The following VRK3 variants were observed in gnomAD, a reference collection of about 807,000 sequenced individuals.
VRK3 encodes the protein serine/threonine-protein kinase VRK3.
Under a neutral mutation model 60.4 loss-of-function variants are expected in VRK3, and 50 were observed. That is an observed-to-expected ratio of 0.83 (90% CI 0.66 to 1.05). The LOEUF is 1.05. VRK3 is among the 50% of genes least tolerant of loss of function. The pLI is 0.00. For missense variants in VRK3, 549 were observed against 585.3 expected, an observed-to-expected ratio of 0.94 and a Z score of 0.64; for synonymous variants, 246 against 227.8, an observed-to-expected ratio of 1.08 and a Z score of -0.72.
At chr19:49,989,611 G>T (rs747592532) in intron 11 of VRK3, 28 bp downstream of exon 11, 7 of 1,576,276 alleles carry the variant, frequency 4.4e-6, no homozygotes, top group Non-Finnish European at 5.2e-6. Context: ...ATCTCTCTGC[G>T]GTCCCAAACC....
rs182484664 is a variant in VRK3 at position 49,993,058 on chromosome 19, G to A, written c.871-106C>T. The A allele has an allele frequency of 6.8e-4, 681 of 994,860 alleles. 1 individual carries two copies. The highest frequency in any genetic ancestry group is 1.0e-3 in the Admixed American group (51 of 50,966). 61.6% of individuals were successfully genotyped at this position (994,860 alleles called of 1,614,324 possible). On this transcript the variant is annotated intron_variant, in intron 9 of 14. Transcript: ENST00000316763. ...CCACTATTAAGGCCTGGGGTTGTCC[G>A]ACACTGTGACTGGGGGTTAAACCTG...
Position 49,981,019 on chromosome 19 carries a change from G to T in VRK3, c.1218-6C>A. The stretch of plus-strand genomic sequence containing the variant: ...GCCCCGGCTTATCAACAAACCTGAA[G>T]GGACAGAAACACATGTGAAAGGTCT... On this transcript the variant is annotated splice_region_variant and splice_polypyrimidine_tract_variant and intron_variant, in intron 12 of 14. Transcript: ENST00000316763. 6.2e-7 allele frequency: 1 copy of T among 1,611,978 alleles called. No individual in the cohort carries two copies. The highest frequency in any genetic ancestry group is 1.1e-5 in the South Asian group (1 of 90,540).
Position 50,007,556 on chromosome 19 carries a change from G to T in VRK3, c.547+13C>A, listed in dbSNP as rs781678002. 6.2e-7 allele frequency: 1 copy of T among 1,613,400 alleles called. No homozygotes were observed. The highest frequency in any genetic ancestry group is 8.5e-7 in the Non-Finnish European group (1 of 1,179,310). On this transcript the variant is annotated intron_variant, in intron 5 of 14. Coordinates refer to ENST00000316763, the MANE Select transcript of VRK3 (RefSeq NM_016440.4). ...GACGACCCAGTCCCTGGCCGCCCAT[G>T]GACAGAGTGTACCTTCATAGAGAAT...
Position 49,989,644 on chromosome 19 carries a change from C to T in VRK3, c.1091G>A (p.Gly364Glu). Reference protein sequence around the residue: ...LEFISMDLHKGCGPSRRSDLQ... With the variant: ...LEFISMDLHKECGPSRRSDLQ... ...ACCCATCCCTGGCCTCGTACCGCAT[C>T]CCTTGTGCAGGTCCATGCTAATGAA... The change falls in exon 11 of 15, where the codon GGA (glycine) becomes GAA (glutamate). Residue 364 changes from glycine (G) to glutamate (E), a missense_variant. Transcript: ENST00000316763. 1 of 1,609,568 alleles carries T rather than the reference C, an allele frequency of 6.2e-7. No homozygotes were observed.
chr19:49,987,233 C>T (rs11879639), intron 12 of VRK3, among the ~76,000 whole-genome samples: 7,974 of 152,244 alleles, frequency 0.052, 686 homozygotes, highest in African/African-American at 0.18. Context: ...ATCAGCTGCC[C>T]ACTGTCCTTG....
rs1365082183 is a variant in VRK3 at position 50,007,657 on chromosome 19, G to C, written c.459C>G (p.Pro153=). The C allele has an allele frequency of 6.2e-7, 1 of 1,614,116 alleles. No individual in the cohort carries two copies. The highest frequency in any genetic ancestry group is 8.5e-7 in the Non-Finnish European group (1 of 1,180,016). Residue 153 remains proline (P), a synonymous_variant, in exon 5 of 15, where the codon CCC becomes CCG. Transcript: ENST00000316763. ...SRVTTSLEAL[P]TGTVLTDKSG... ...TCTTGTCTGTCAGCACTGTCCCTGT[G>C]GGCAAAGCTTCAAGTGAGGTGGTCA...
chr19:49,982,447 C>A (rs1356640635), intron 12 of VRK3, among the ~76,000 whole-genome samples: 3 of 152,068 alleles, frequency 2.0e-5, no homozygotes, highest in Non-Finnish European at 4.4e-5. Context: ...CTGGCTGAGG[C>A]CATTTTAAAT....
intron 3 of VRK3, among the ~76,000 whole-genome samples, chr19:50,012,122 C>G (rs1416616134): frequency 1.3e-5 from 2 of 152,192 alleles, no homozygotes; most frequent in African/African-American, 2.4e-5. Context: ...CAGGCATGCA[C>G]CACCACGCCC....
intron 13 of VRK3, among the ~76,000 whole-genome samples, chr19:49,979,937 C>T: frequency 6.6e-6 from 1 of 151,906 alleles, no homozygotes; most frequent in East Asian, 1.9e-4. Context: ...GTAGTCCCAG[C>T]TATTTGGGAG....
At chr19:49,992,302 G>C (rs1275765635) in intron 10 of VRK3, among the ~76,000 whole-genome samples, 1 of 152,214 alleles carries the variant, frequency 6.6e-6, no homozygotes, top group Non-Finnish European at 1.5e-5. Context: ...AGCTACTCAG[G>C]AGGCTGACAG....
intron 10 of VRK3, among the ~76,000 whole-genome samples, chr19:49,990,783 A>T (rs537282369): frequency 7.7e-4 from 113 of 146,962 alleles, no homozygotes; most frequent in Middle Eastern, 3.5e-3. Context: ...TAAAAAAATA[A>T]TTTTTTTTTT....
At chr19:49,988,308 C>T in intron 12 of VRK3, 64 bp downstream of exon 12, 1 of 1,568,612 alleles carries the variant, frequency 6.4e-7, no homozygotes, top group Non-Finnish European at 8.7e-7. Context: ...GGGCTCTGGG[C>T]TTCTGTCCAC....
chr19:50,010,989 T>G (rs2076986099), intron 3 of VRK3, among the ~76,000 whole-genome samples: 1 of 150,754 alleles, frequency 6.6e-6, no homozygotes, highest in Non-Finnish European at 1.5e-5. Flanking sequence ...CTCCTTTATT[T>G]ACCCACCACC....
In VRK3 at chr19:49,988,484, G is replaced by A. The variant is rs775458931; in HGVS notation, c.1105C>T (p.Arg369Cys). 22 of 1,612,930 alleles carry A rather than the reference G, an allele frequency of 1.4e-5. No individual in the cohort carries two copies. Among genetic ancestry groups the A allele is most frequent in the South Asian group, 5.5e-5 (5 of 91,018 alleles). ...CCCAGGCTCTGGAGGTCGCTGCGGC[G>A]GGAGGGCCCTGGGGAAGGAGGAGTA... ...MDLHKGCGPS[R>C]RSDLQSLGYC... Residue 369 changes from arginine to cysteine, a missense_variant, in exon 12 of 15, where the codon CGC becomes TGC. Arg to Cys is a radical substitution (Grantham distance 180). Transcript: ENST00000316763.
intron 1 of VRK3, among the ~76,000 whole-genome samples, chr19:50,020,879 G>C (rs1568821623): frequency 1.3e-5 from 2 of 152,190 alleles, no homozygotes; most frequent in Admixed American, 6.5e-5. Flanking sequence ...TTCTGGTGGG[G>C]GAAGAGACAC....
In VRK3 at chr19:50,020,602, C is replaced by A. The variant is rs1401707629; in HGVS notation, c.-19G>T. ...GATAATACCTTTATGAGGTCACGGT[C>A]TGGCCCTTGGATTTACTGGGTTGGA... On this transcript the variant is annotated 5_prime_UTR_variant, in exon 2 of 15. Coordinates refer to ENST00000316763, the MANE Select transcript of VRK3 (RefSeq NM_016440.4). 1.3e-5 allele frequency: 2 copies of A among 152,240 alleles called. No individual in the cohort carries two copies. Among genetic ancestry groups the A allele is most frequent in the East Asian group, 3.8e-4 (2 of 5,204 alleles). The allele number at this position is 152,240 out of a possible 1,614,324, so 9.4% of individuals were successfully genotyped here. A position where few individuals can be genotyped will look rare whatever the true frequency, so the allele number is the denominator to read the frequency against.
intron 5 of VRK3, chr19:50,001,063 G>A: frequency 1.8e-6 from 1 of 542,650 alleles, no homozygotes; most frequent in Admixed American, 3.4e-5. Flanking sequence ...CATGCAGGAA[G>A]GGCTAATGCA....
intron 2 of VRK3, among the ~76,000 whole-genome samples, chr19:50,019,543 C>T (rs1600727355): frequency 6.7e-6 from 1 of 149,800 alleles, no homozygotes; most frequent in Non-Finnish European, 1.5e-5. Context: ...AGGGTCCCAC[C>T]CTGTCACTCA....
intron 13 of VRK3, among the ~76,000 whole-genome samples, chr19:49,980,189 G>A (rs1254191385): frequency 6.6e-6 from 1 of 152,102 alleles, no homozygotes; most frequent in Non-Finnish European, 1.5e-5. Context: ...TCTTCAGGAG[G>A]GGCACAAAGA....
Sources: gnomAD v4.1 joint callset for allele counts (sites outside exome capture counted in the v4.1 genomes callset) on GRCh38, gnomAD v4.1.1 for gene constraint, MANE v1.5 for transcripts, NCBI Gene and HGNC (gene_info 2026-07-23, HGNC 2026-07-21) for gene names.